Variants in PRKCI observed in about 807,000 individuals in gnomAD.
PRKCI encodes the protein protein kinase C iota type.
A neutral mutation model predicts 84.0 loss-of-function variants in PRKCI; 43 were observed. The observed-to-expected ratio is 0.51, with a 90% confidence interval of 0.40 to 0.66. The LOEUF (loss-of-function observed/expected upper bound fraction) is 0.66, where lower values mean the gene tolerates loss of function less well. PRKCI is among the 30% of genes least tolerant of loss of function. The pLI, the probability that PRKCI is intolerant of heterozygous loss-of-function variation, is 0.00. For missense variants in PRKCI, 459 were observed against 745.6 expected (o/e 0.62, Z 4.48); for synonymous variants, 216 against 234.4 (o/e 0.92, Z 0.72).
rs140916902 is a variant in PRKCI, at chr3:170,252,533, T to C, written c.224-7436T>C. Among the ~76,000 whole-genome samples, 671 of 152,268 alleles carry C rather than the reference T, an allele frequency of 4.4e-3. 6 individuals are homozygous for C. Among genetic ancestry groups the C allele is most frequent in the African/African-American group, 0.016 (646 of 41,574 alleles). Reference sequence around the variant, plus strand: ...TAGTTATTTTTAAATATACAATAAATTTTGTTGACTGTAATTACCCTGTTG... The same window carrying C: ...TAGTTATTTTTAAATATACAATAAACTTTGTTGACTGTAATTACCCTGTTG... On this transcript the variant is annotated intron_variant, in intron 2 of 17. Coordinates refer to ENST00000295797, the MANE Select transcript of PRKCI (RefSeq NM_002740.6).
At chr3:170,283,671 T>C (rs889377518) in intron 11 of PRKCI, among the ~76,000 whole-genome samples, 1 of 146,954 alleles carries the variant, frequency 6.8e-6, no homozygotes, top group East Asian at 2.0e-4. Flanking sequence ...TGGTTTTTAC[T>C]ATATTAATGT....
Position 170,303,121 on chromosome 3 carries a change from T to C in PRKCI, c.1785T>C (p.Cys595=), listed in dbSNP as rs1233116106. ...CTCTTTTGATGTCTGCAGAAGAATGTGTCTGATCCTCATTTTTCAACCATG... is the reference window on the plus strand; with the variant it reads ...CTCTTTTGATGTCTGCAGAAGAATGCGTCTGATCCTCATTTTTCAACCATG... ...INPLLMSAEE[C]V Residue 595 remains cysteine, a synonymous_variant, in exon 18 of 18, where the codon TGT becomes TGC. Transcript: ENST00000295797. The C allele has an allele frequency of 2.5e-6, 4 of 1,595,948 alleles. No homozygotes were observed. The Admixed American group carries it at 6.9e-5, about 28-fold the overall frequency.
At chr3:170,278,367 G>A (rs182622526) in intron 8 of PRKCI, among the ~76,000 whole-genome samples, 101 of 152,292 alleles carry the variant, frequency 6.6e-4, no homozygotes, top group Middle Eastern at 3.4e-3. Context: ...TGTTACAAAG[G>A]AATACCTGAA....
chr3:170,255,102 C>T (rs1447387194), intron 2 of PRKCI, among the ~76,000 whole-genome samples: 2 of 142,496 alleles, frequency 1.4e-5, no homozygotes, highest in Non-Finnish European at 3.0e-5. Flanking sequence ...CTTTTGTTGC[C>T]CAGGCTGGAG....
At chr3:170,271,456 ATAT>A (rs1295831295) in intron 6 of PRKCI, among the ~76,000 whole-genome samples, 1 of 152,218 alleles carries the variant, frequency 6.6e-6, no homozygotes, top group Non-Finnish European at 1.5e-5. Context: ...GTTCTCATAA[ATAT>A]TATAATTTTG....
chr3:170,233,483 C>T (rs767524018), intron 1 of PRKCI, among the ~76,000 whole-genome samples: 7 of 152,034 alleles, frequency 4.6e-5, no homozygotes, highest in African/African-American at 1.4e-4. Context: ...AAACATCATA[C>T]GTGCATAATT....
At chr3:170,280,603 T>C (rs1433925983) in intron 9 of PRKCI, among the ~76,000 whole-genome samples, 200 bp downstream of exon 9, 4 of 152,002 alleles carry the variant, frequency 2.6e-5, no homozygotes, top group Non-Finnish European at 5.9e-5. Flanking sequence ...CATGCACCAC[T>C]ATGCCCAGCT....
intron 2 of PRKCI, among the ~76,000 whole-genome samples, chr3:170,243,719 C>T (rs1238050364): frequency 1.3e-5 from 2 of 152,156 alleles, no homozygotes; most frequent in Admixed American, 6.5e-5. Context: ...ACTGTCTATG[C>T]CTGTTAGTCC....
At chr3:170,265,754 C>G (rs1733843711) in intron 4 of PRKCI, among the ~76,000 whole-genome samples, 2 of 151,396 alleles carry the variant, frequency 1.3e-5, no homozygotes, top group African/African-American at 4.9e-5. Flanking sequence ...TTTAGGTGCC[C>G]ACTACCACGC....
Position 170,293,522 on chromosome 3 carries a change from T to C in PRKCI, c.1417+14T>C. 1 of 1,610,932 alleles carries C rather than the reference T, an allele frequency of 6.2e-7. No homozygotes were observed. Among genetic ancestry groups the C allele is most frequent in the Non-Finnish European group, 8.5e-7 (1 of 1,178,536 alleles). ...ATCTCTTCCAAGGTAATTTGGAGTA[T>C]TTTACAGAGATTCTCTGAGAAAAAC... On this transcript the variant is annotated intron_variant, in intron 14 of 17. Transcript: ENST00000295797.
chr3:170,297,212 T>G (rs1734705436), intron 15 of PRKCI, 92 bp from the exon 16 acceptor site: 2 of 965,850 alleles, frequency 2.1e-6, no homozygotes, highest in Admixed American at 4.2e-5. Context: ...GAAATAAGAG[T>G]ATCATGTGAG....
intron 2 of PRKCI, among the ~76,000 whole-genome samples, chr3:170,248,058 G>A (rs1733334715): frequency 6.6e-6 from 1 of 152,194 alleles, no homozygotes; most frequent in Non-Finnish European, 1.5e-5. Flanking sequence ...CAGAGAGTGA[G>A]AGTCTGTGAG....
intron 1 of PRKCI, among the ~76,000 whole-genome samples, chr3:170,233,276 C>A (rs1253330980): frequency 6.9e-6 from 1 of 144,266 alleles, no homozygotes; most frequent in Non-Finnish European, 1.5e-5. Flanking sequence ...ATAATAGATT[C>A]TATATTTTAG....
At chr3:170,233,054 ATACTC>A (rs1732843245) in intron 1 of PRKCI, among the ~76,000 whole-genome samples, 1 of 151,768 alleles carries the variant, frequency 6.6e-6, no homozygotes. Flanking sequence ...GATTATATGA[ATACTC>A]TAGTCCCCCA....
chr3:170,280,078 G>T, intron 8 of PRKCI, 149 bp from the exon 9 acceptor site: 1 of 685,936 alleles, frequency 1.5e-6, no homozygotes, highest in Non-Finnish European at 2.2e-6. Flanking sequence ...ATTTGGTTTG[G>T]AATGACATTT....
At chr3:170,274,353 C>G (rs574592628) in intron 7 of PRKCI, among the ~76,000 whole-genome samples, 1 of 152,230 alleles carries the variant, frequency 6.6e-6, no homozygotes, top group Non-Finnish European at 1.5e-5. Flanking sequence ...AAGCTGGTCT[C>G]GAATTCCTGA....
At chr3:170,280,053 C>T in intron 8 of PRKCI, 174 bp from the exon 9 acceptor site, 1 of 537,920 alleles carries the variant, frequency 1.9e-6, no homozygotes, top group Non-Finnish European at 3.0e-6. Flanking sequence ...TCCATATAAT[C>T]TGGATAGTTA....
chr3:170,266,433 C>G (rs1011844352), intron 4 of PRKCI, among the ~76,000 whole-genome samples: 1 of 151,930 alleles, frequency 6.6e-6, no homozygotes, highest in East Asian at 1.9e-4. Flanking sequence ...ATAAGAAATA[C>G]ACAACACTAC....
At position 170,293,367 on chromosome 3, in the gene PRKCI, A is replaced by C; in HGVS notation, c.1292-16A>C. 2.5e-6 allele frequency: 4 copies of C among 1,598,012 alleles called. No homozygotes were observed. Among genetic ancestry groups the C allele is most frequent in the Non-Finnish European group, 3.4e-6 (4 of 1,174,626 alleles). ...GCAAAGTGTATAATTTATTGCTTTA[A>C]AATTTCTTTCTGAAGGTTTCAGTGT... On this transcript the variant is annotated splice_polypyrimidine_tract_variant and intron_variant, in intron 13 of 17. Coordinates refer to ENST00000295797, the MANE Select transcript of PRKCI (RefSeq NM_002740.6).
Sources: gnomAD v4.1 joint callset for allele counts (sites outside exome capture counted in the v4.1 genomes callset) on GRCh38, gnomAD v4.1.1 for gene constraint, MANE v1.5 for transcripts, NCBI Gene and HGNC (gene_info 2026-07-23, HGNC 2026-07-21) for gene names.